The following ANKRD28 variants were observed in gnomAD, a reference collection of about 807,000 sequenced individuals.
ANKRD28 encodes serine/threonine-protein phosphatase 6 regulatory ankyrin repeat subunit A.
ANKRD28 carries 44 observed loss-of-function variants against 126.5 expected under a neutral mutation model. The observed-to-expected ratio is 0.35, with a 90% CI of 0.27 to 0.45. ANKRD28 has a LOEUF of 0.45. ANKRD28 is among the 20% of genes least tolerant of loss of function. ANKRD28 has a pLI of 1.00. For missense variants in ANKRD28, 1,110 were observed against 1,316.6 expected (o/e 0.84, Z 2.43); for synonymous variants, 442 against 468.5 (o/e 0.94, Z 0.73).
intron 12 of ANKRD28, among the ~76,000 whole-genome samples, chr3:15,710,217 T>C (rs1038823723): frequency 1.3e-5 from 2 of 152,200 alleles, no homozygotes; most frequent in Admixed American, 1.3e-4. Flanking sequence ...CTTTCCCTTA[T>C]CTTCTCCTAT....
chr3:15,800,574 C>T (rs1218968378), upstream of ANKRD28, among the ~76,000 whole-genome samples: 1 of 152,114 alleles, frequency 6.6e-6, no homozygotes, highest in African/African-American at 2.4e-5. Flanking sequence ...GTCTGGAGAT[C>T]CCATTCAGTT....
intron 3 of ANKRD28, among the ~76,000 whole-genome samples, chr3:15,758,004 G>T: frequency 6.6e-6 from 1 of 152,276 alleles, no homozygotes; most frequent in Middle Eastern, 3.4e-3. Context: ...CCTGTAACTA[G>T]TATCTGGCCC....
chr3:15,731,676 C>A (rs960981650), intron 6 of ANKRD28, among the ~76,000 whole-genome samples: 1 of 151,610 alleles, frequency 6.6e-6, no homozygotes, highest in Non-Finnish European at 1.5e-5. Context: ...ATGGTGAAAC[C>A]TCATCTCTAC....
chr3:15,674,503 C>A (rs1029511559), intron 27 of ANKRD28, among the ~76,000 whole-genome samples: 2 of 152,130 alleles, frequency 1.3e-5, no homozygotes, highest in African/African-American at 4.8e-5. Context: ...TCTGCACATT[C>A]TAGGTTTAAG....
At chr3:15,679,411 C>G (rs1325837177) in intron 22 of ANKRD28, 27 bp from the exon 23 acceptor site, 2 of 1,613,202 alleles carry the variant, frequency 1.2e-6, no homozygotes, top group Admixed American at 3.3e-5. Flanking sequence ...GGTGATCATT[C>G]TCACAGCAAT....
chr3:15,677,751 A>G (rs2067094521), intron 24 of ANKRD28, 189 bp from the exon 25 acceptor site: 2 of 460,460 alleles, frequency 4.3e-6, no homozygotes, highest in Admixed American at 3.6e-5. Flanking sequence ...ATATTGTTGT[A>G]TAAGTCACAC....
intron 18 of ANKRD28, among the ~76,000 whole-genome samples, chr3:15,688,226 A>G (rs1174639881): frequency 6.6e-6 from 1 of 152,184 alleles, no homozygotes; most frequent in Non-Finnish European, 1.5e-5. Flanking sequence ...TAATTTTTCT[A>G]GCTATAGATT....
At chr3:15,718,162 T>C (rs572364733) in intron 8 of ANKRD28, among the ~76,000 whole-genome samples, 7 of 152,286 alleles carry the variant, frequency 4.6e-5, no homozygotes, top group African/African-American at 1.4e-4. Context: ...TATCAACATA[T>C]TGTGTGTAAG....
rs1336707846 is a variant in ANKRD28, at chr3:15,741,288, G to A, written c.352-4055C>T. On this transcript the variant is annotated intron_variant, in intron 4 of 27. Coordinates refer to ENST00000683139, the MANE Select transcript of ANKRD28 (RefSeq NM_001349278.2). ...GAGAAAACTGAAGAAAATCCCTAAA[G>A]GTTGGAGACATTAAAAAAGAAGAGG... 2.6e-5 allele frequency among the ~76,000 whole-genome samples: 4 copies of A among 152,138 alleles called. 1 individual carries two copies. The Middle Eastern group carries it at 0.01, about 388-fold the overall frequency.
rs572892230 is a variant in ANKRD28, at chr3:15,853,753, G to GT, written c.27+5623_27+5624insA. Among the ~76,000 whole-genome samples the GT allele has an allele frequency of 3.8e-3, 573 of 152,276 alleles. 2 individuals are homozygous for GT. In the Middle Eastern group the frequency reaches 0.041, roughly 11 times the overall value. On this transcript the variant is annotated intron_variant, in intron 1 of 27. Coordinates refer to the ANKRD28 transcript ENST00000399451. The surrounding 1 kb of genome is among the most constrained non-coding windows in gnomAD (Gnocchi z 4.2). ...CAAAGTGCTGGGATTACAGGCATGAGCCACCGCGCCCGGCCCTAAAATCAA... is the reference window on the plus strand; with the variant it reads ...CAAAGTGCTGGGATTACAGGCATGAGTCCACCGCGCCCGGCCCTAAAATCAA...
At position 15,675,993 on chromosome 3, in the gene ANKRD28, G is replaced by A. The variant is rs760042248; in HGVS notation, c.2874-4C>T. The A allele has an allele frequency of 1.2e-6, 2 of 1,609,902 alleles. No individual in the cohort carries two copies. The highest frequency in any genetic ancestry group is 2.7e-5 in the African/African-American group (2 of 74,830). Reference sequence around the variant, plus strand: ...TCGGGCAGCAACATGCAGAGGTCTAGGGGAAAAAACATGATACATGTACAC... The same window carrying A: ...TCGGGCAGCAACATGCAGAGGTCTAAGGGAAAAAACATGATACATGTACAC... On this transcript the variant is annotated splice_polypyrimidine_tract_variant and splice_region_variant and intron_variant, in intron 26 of 27. Coordinates refer to ENST00000683139, the MANE Select transcript of ANKRD28 (RefSeq NM_001349278.2).
At chr3:15,805,695 G>A (rs987668985) in intron 1 of ANKRD28, among the ~76,000 whole-genome samples, 5 of 152,098 alleles carry the variant, frequency 3.3e-5, no homozygotes, top group African/African-American at 9.7e-5. Flanking sequence ...ATTCATTCTG[G>A]TTTTTACAAT....
intron 8 of ANKRD28, among the ~76,000 whole-genome samples, chr3:15,715,981 CT>C (rs890097708): frequency 6.6e-6 from 1 of 150,750 alleles, no homozygotes; most frequent in East Asian, 1.9e-4. Context: ...TAGCTATGGC[CT>C]TTTTTTTCTC....
upstream of ANKRD28, chr3:15,798,057 T>C (rs970610667): frequency 7.1e-6 from 7 of 985,272 alleles, no homozygotes; most frequent in Non-Finnish European, 8.4e-6. Context: ...AATTAGAAGG[T>C]TCATGCCAGT....
chr3:15,685,950 T>A, intron 20 of ANKRD28, 52 bp downstream of exon 20: 1 of 1,369,728 alleles, frequency 7.3e-7, no homozygotes, highest in Non-Finnish European at 1.0e-6. Flanking sequence ...CAGTTCTAGG[T>A]AATATGAGGT....
intron 1 of ANKRD28, among the ~76,000 whole-genome samples, chr3:15,849,913 T>C (rs2061601615): frequency 6.6e-6 from 1 of 152,056 alleles, no homozygotes; most frequent in South Asian, 2.1e-4. Context: ...CTGGTGTCAA[T>C]GTGGTTTCTA....
intron 2 of ANKRD28, among the ~76,000 whole-genome samples, chr3:15,780,735 G>A (rs2059501097): frequency 6.6e-6 from 1 of 152,130 alleles, no homozygotes; most frequent in Admixed American, 6.6e-5. Flanking sequence ...AGTGACCAAT[G>A]GAACAGGACA....
At chr3:15,719,027 G>A (rs1405183803) in intron 8 of ANKRD28, among the ~76,000 whole-genome samples, 1 of 152,104 alleles carries the variant, frequency 6.6e-6, no homozygotes, top group African/African-American at 2.4e-5. Context: ...AAACTTTCTA[G>A]TAATTACTTA....
chr3:15,745,708 A>AT (rs1207961220), intron 4 of ANKRD28, among the ~76,000 whole-genome samples: 1 of 148,056 alleles, frequency 6.8e-6, no homozygotes, highest in East Asian at 1.9e-4. Flanking sequence ...TTTTGGTTCC[A>AT]TATGAATTTC....
Sources: allele counts gnomAD v4.1 joint callset (sites outside exome capture counted in the v4.1 genomes callset), GRCh38; gene constraint gnomAD v4.1.1; non-coding constraint Gnocchi (gnomAD v3.1); transcripts MANE v1.5; gene names NCBI Gene and HGNC (gene_info 2026-07-23, HGNC 2026-07-21).